The following BBS9 variants were observed in gnomAD, a reference collection of about 807,000 sequenced individuals.
BBS9 encodes Bardet-Biedl syndrome 9.
Under a neutral mutation model 117.7 loss-of-function variants are expected in BBS9, and 89 were observed. The observed-to-expected ratio is 0.76, with a 90% CI of 0.64 to 0.90. BBS9 has a LOEUF of 0.90. Among genes scored for constraint, BBS9 ranks in the 40% least tolerant of loss-of-function variants. BBS9 has a pLI of 0.00. For synonymous variants in BBS9, 379 were observed against 370.9 expected (o/e 1.02, Z -0.25); for missense variants, 982 against 1,042.2 (o/e 0.94, Z 0.80).
chr7:33,131,754 C>T (rs565895325), intron 1 of BBS9, among the ~76,000 whole-genome samples: 4 of 152,138 alleles, frequency 2.6e-5, no homozygotes, highest in East Asian at 1.9e-4. Flanking sequence ...AGTGAGACCT[C>T]GTCTTTGCCG....
intron 19 of BBS9, among the ~76,000 whole-genome samples, chr7:33,500,601 A>G: frequency 6.6e-6 from 1 of 152,224 alleles, no homozygotes; most frequent in East Asian, 1.9e-4. Flanking sequence ...CCTGGCCCAC[A>G]GTCAGTCCTC....
chr7:33,236,618 G>T (rs1043281913), intron 5 of BBS9, among the ~76,000 whole-genome samples: 6 of 151,942 alleles, frequency 3.9e-5, no homozygotes, highest in Middle Eastern at 3.4e-3. Flanking sequence ...TATAATATGT[G>T]CTAGTAGGAT....
chr7:33,166,632 T>C (rs1562716838), intron 4 of BBS9, among the ~76,000 whole-genome samples: 1 of 152,216 alleles, frequency 6.6e-6, no homozygotes, highest in Non-Finnish European at 1.5e-5. Flanking sequence ...GCGCTAGTAG[T>C]GAGCAAGGCT....
At chr7:33,605,002 CGTTA>C in intron 22 of BBS9, 27 bp downstream of exon 22, 1 of 1,560,398 alleles carries the variant, frequency 6.4e-7, no homozygotes, top group Non-Finnish European at 8.8e-7. Flanking sequence ...CCTTCACAAG[CGTTA>C]GTTAAGTCAG....
Position 33,388,023 on chromosome 7 carries a change from T to C in BBS9, c.1994T>C (p.Leu665Pro). ...ATAAATGGTGAAAAATTAGAAGAACTCTTATCTGAGAGAGCTGTACAATTT... is the reference window on the plus strand; with the variant it reads ...ATAAATGGTGAAAAATTAGAAGAACCCTTATCTGAGAGAGCTGTACAATTT... Reference protein sequence around the residue: ...LRINGEKLEELLSERAVQFRA... With the variant: ...LRINGEKLEEPLSERAVQFRA... Residue 665 changes from leucine to proline, a missense_variant, in exon 19 of 23, where the codon CTC becomes CCC. Physicochemically the swap from Leu to Pro is moderately conservative, Grantham distance 98. Transcript: ENST00000242067. 6.2e-7 allele frequency: 1 copy of C among 1,614,148 alleles called. No homozygotes were observed. Among genetic ancestry groups the C allele is most frequent in the Non-Finnish European group, 8.5e-7 (1 of 1,180,000 alleles).
chr7:33,151,558 T>G (rs1404141979), intron 2 of BBS9, among the ~76,000 whole-genome samples: 2 of 151,804 alleles, frequency 1.3e-5, no homozygotes, highest in African/African-American at 4.8e-5. Flanking sequence ...ATGAGGATTT[T>G]TTTTTTCTTG....
At chr7:33,630,568 G>A (rs537599701) in intron 21 of BBS9, among the ~76,000 whole-genome samples, 3 of 152,268 alleles carry the variant, frequency 2.0e-5, no homozygotes, top group African/African-American at 7.2e-5. Context: ...TAAGCACACT[G>A]CATGTTTTCT....
chr7:33,269,183 T>A (rs1799333198), intron 7 of BBS9, among the ~76,000 whole-genome samples: 1 of 152,206 alleles, frequency 6.6e-6, no homozygotes, highest in African/African-American at 2.4e-5. Flanking sequence ...CTAAAGTAGA[T>A]GAATACCTAA....
rs1008043971 is a variant in BBS9, at chr7:33,164,766, G to C, written c.328+9064G>C. On this transcript the variant is annotated intron_variant, in intron 4 of 22. Transcript: ENST00000242067. ...GTCTCCTGAATACAGTACACTGATG[G>C]GTCTGGACTCTATCCAATTTGCCAG... Among the ~76,000 whole-genome samples, 24 of 152,062 alleles carry C rather than the reference G, an allele frequency of 1.6e-4. 1 individual carries two copies. Among genetic ancestry groups the C allele is most frequent in the Non-Finnish European group, 5.9e-5 (4 of 68,010 alleles).
intron 5 of BBS9, among the ~76,000 whole-genome samples, chr7:33,232,315 G>C (rs570194310): frequency 6.6e-6 from 1 of 152,040 alleles, no homozygotes; most frequent in Admixed American, 6.5e-5. Flanking sequence ...AGAAAATTTG[G>C]AAAAATGCAG....
chr7:33,494,634 G>C lies in BBS9; in HGVS notation c.2116-10829G>C, dbSNP rs145179658. Among the ~76,000 whole-genome samples, 931 of 152,250 alleles carry C rather than the reference G, an allele frequency of 6.1e-3. 9 individuals carry two copies. Among genetic ancestry groups the C allele is most frequent in the African/African-American group, 0.021 (887 of 41,530 alleles). On this transcript the variant is annotated intron_variant, in intron 19 of 22. Coordinates refer to ENST00000242067, the MANE Select transcript of BBS9 (RefSeq NM_198428.3). ...AGGGACTTCCCTTACCCAAGTAGTG[G>C]TCCTATAAATTACCATCTTAATGGA...
At chr7:33,495,370 C>T (rs1025816141) in intron 19 of BBS9, among the ~76,000 whole-genome samples, 3 of 152,136 alleles carry the variant, frequency 2.0e-5, no homozygotes, top group African/African-American at 7.2e-5. Flanking sequence ...AGATGGCACT[C>T]GAGGCAGTGT....
intron 5 of BBS9, among the ~76,000 whole-genome samples, chr7:33,232,669 G>C (rs962696358): frequency 6.6e-6 from 1 of 152,102 alleles, no homozygotes; most frequent in African/African-American, 2.4e-5. Flanking sequence ...CCATTTGTGA[G>C]ATTAATACTA....
At chr7:33,353,223 A>T (rs959593185) in intron 15 of BBS9, among the ~76,000 whole-genome samples, 8 of 152,174 alleles carry the variant, frequency 5.3e-5, no homozygotes, top group Admixed American at 1.3e-4. Context: ...GAAAGAGTTT[A>T]AAAAAAGTGT....
intron 21 of BBS9, among the ~76,000 whole-genome samples, chr7:33,634,503 G>A (rs1489473744): frequency 6.6e-6 from 1 of 152,130 alleles, no homozygotes; most frequent in Non-Finnish European, 1.5e-5. Context: ...ATCCTTCCCG[G>A]CACATAGTAG....
At chr7:33,423,993 G>A (rs552256311) in intron 19 of BBS9, among the ~76,000 whole-genome samples, 1 of 152,250 alleles carries the variant, frequency 6.6e-6, no homozygotes, top group Non-Finnish European at 1.5e-5. Flanking sequence ...CACTTTTTGA[G>A]TTTTCAGCTA....
rs1449516622 is a variant in BBS9 at position 33,350,848 on chromosome 7, C to T, written c.1433-371C>T. ...AAACTCCACCTTCCAGGTGTCACCA[C>T]GCCCAGCTAATTTTTTTGTATTTTT... On this transcript the variant is annotated intron_variant, in intron 13 of 22. Transcript: ENST00000242067. Among the ~76,000 whole-genome samples, 5 of 152,116 alleles carry T rather than the reference C, an allele frequency of 3.3e-5. No homozygotes were observed. The East Asian group carries it at 5.8e-4, about 18-fold the overall frequency.
At chr7:33,253,469 C>G (rs539099865) in intron 5 of BBS9, among the ~76,000 whole-genome samples, 6 of 152,122 alleles carry the variant, frequency 3.9e-5, no homozygotes, top group African/African-American at 1.4e-4. Flanking sequence ...CAAAAATCAG[C>G]CAGGGGTGGT....
At chr7:33,195,209 C>T (rs1001725291) in intron 5 of BBS9, among the ~76,000 whole-genome samples, 3 of 152,094 alleles carry the variant, frequency 2.0e-5, no homozygotes, top group Non-Finnish European at 4.4e-5. Flanking sequence ...GTCTTTGGCA[C>T]ATAGTGGGTG....
Sources: gnomAD v4.1 joint callset for allele counts (sites outside exome capture counted in the v4.1 genomes callset) on GRCh38, gnomAD v4.1.1 for gene constraint, MANE v1.5 for transcripts, NCBI Gene and HGNC (gene_info 2026-07-23, HGNC 2026-07-21) for gene names.